COMMD2: variants seen among roughly 807,000 people sequenced by gnomAD.
The protein encoded by COMMD2 is COMM domain-containing protein 2.
Under a neutral mutation model 22.5 loss-of-function variants are expected in COMMD2, and 25 were observed. The observed-to-expected ratio is 1.11, with a 90% CI of 0.81 to 1.55. COMMD2 has a LOEUF of 1.55. COMMD2 is among the 40% of genes most tolerant of loss of function. COMMD2 has a pLI of 0.00. For missense variants in COMMD2, 223 were observed against 232.9 expected (o/e 0.96, Z 0.28); for synonymous variants, 98 against 91.2 (o/e 1.07, Z -0.42).
intron 3 of COMMD2, 113 bp from the exon 4 acceptor site, chr3:149,750,964 C>A: frequency 1.4e-6 from 1 of 692,832 alleles, no homozygotes; most frequent in Non-Finnish European, 2.2e-6. Context: ...GTAAAAGAAA[C>A]AGCATTCCTT....
At chr3:149,751,266 A>T (rs1716521305) in intron 3 of COMMD2, 137 bp downstream of exon 3, 15 of 1,348,374 alleles carry the variant, frequency 1.1e-5, no homozygotes, top group Non-Finnish European at 1.5e-5. Context: ...TTTTTTAGGT[A>T]TGTCTTCAAA....
In COMMD2 at chr3:149,739,056, G is replaced by A. The variant is rs1716138539; in HGVS notation, c.*2465C>T. On this transcript the variant is annotated 3_prime_UTR_variant, in exon 5 of 5. Transcript: ENST00000473414. ...TGAGATGTTACTATTTTGGCTTTGA[G>A]ACATGAAGGATATGACATTTAAGTC... The A allele has an allele frequency of 6.6e-6, 1 of 152,158 alleles. No individual in the cohort carries two copies. The highest frequency in any genetic ancestry group is 1.5e-5 in the Non-Finnish European group (1 of 68,022). The allele number at this position is 152,158 out of a possible 1,614,324, so 9.4% of individuals were successfully genotyped here. A position where few individuals can be genotyped will look rare whatever the true frequency, so the allele number is the denominator to read the frequency against.
At position 149,750,706 on chromosome 3, in the gene COMMD2, TGATAACTGG is replaced by T; in HGVS notation, c.365_373del (p.Pro122_Tyr124del). 2 of 1,590,480 alleles carry T rather than the reference TGATAACTGG, an allele frequency of 1.3e-6. No homozygotes were observed. Among genetic ancestry groups the T allele is most frequent in the Non-Finnish European group, 1.7e-6 (2 of 1,167,776 alleles). On this transcript the variant is annotated inframe_deletion, in exon 4 of 5. Transcript: ENST00000473414. ...TACATCTAGTCGCCATTCAAGGTTATGATAACTGGGAAGGCTTGGTGCCAATTCACTCAG... is the reference window on the plus strand; with the variant it reads ...TACATCTAGTCGCCATTCAAGGTTATGAAGGCTTGGTGCCAATTCACTCAG...
intron 4 of COMMD2, among the ~76,000 whole-genome samples, chr3:149,742,448 AG>A (rs2108248451): frequency 6.6e-6 from 1 of 152,342 alleles, no homozygotes; most frequent in East Asian, 1.9e-4. Flanking sequence ...TATGTTTCCA[AG>A]AACCAAAAAT....
intron 2 of COMMD2, chr3:149,752,001 A>G: frequency 1.9e-6 from 1 of 519,656 alleles, no homozygotes; most frequent in Non-Finnish European, 3.4e-6. Flanking sequence ...TACCATGAGA[A>G]AACTGATTTA....
intron 4 of COMMD2, among the ~76,000 whole-genome samples, chr3:149,747,064 GA>G (rs1716392858): frequency 6.6e-6 from 1 of 152,216 alleles, no homozygotes; most frequent in Non-Finnish European, 1.5e-5. Context: ...TTCAAGATGA[GA>G]TTTGGGTGGG....
chr3:149,739,860 A>C lies in COMMD2; in HGVS notation c.*1661T>G, dbSNP rs554138961. 22 of 152,336 alleles carry C rather than the reference A, an allele frequency of 1.4e-4. No individual in the cohort carries two copies. Among genetic ancestry groups the C allele is most frequent in the African/African-American group, 5.1e-4 (21 of 41,576 alleles). The allele number at this position is 152,336 out of a possible 1,614,324, so 9.4% of individuals were successfully genotyped here. A position where few individuals can be genotyped will look rare whatever the true frequency, so the allele number is the denominator to read the frequency against. ...AATATAGTTGTTTCACAACGGCAGA[A>C]TATATACCTACAGGAAAAGGGTGGC... On this transcript the variant is annotated 3_prime_UTR_variant, in exon 5 of 5. Transcript: ENST00000473414.
rs566081466 is a variant in COMMD2, at chr3:149,742,977, A to G, written c.403-1259T>C. Among the ~76,000 whole-genome samples, 508 of 139,364 alleles carry G rather than the reference A, an allele frequency of 3.6e-3. 5 individuals are homozygous for G. The highest frequency in any genetic ancestry group is 0.016 in the African/African-American group (494 of 31,742). 91.4% of individuals were successfully genotyped at this position (139,364 alleles called of 152,430 possible). ...TGAGACTCTATCTCAAAAAAAAAAAAAAAAGAAAAAGAAAAAGAAAAAGAA... is the reference window on the plus strand; with the variant it reads ...TGAGACTCTATCTCAAAAAAAAAAAGAAAAGAAAAAGAAAAAGAAAAAGAA... On this transcript the variant is annotated intron_variant, in intron 4 of 4. Coordinates refer to ENST00000473414, the MANE Select transcript of COMMD2 (RefSeq NM_016094.4).
rs1202107997 is a variant in COMMD2 at position 149,740,386 on chromosome 3, A to G, written c.*1135T>C. On this transcript the variant is annotated 3_prime_UTR_variant, in exon 5 of 5. Transcript: ENST00000473414. ...TTTATTCAAATTATAAAAAGTGACT[A>G]TAATTTGTATCCAGGACAATCAAGA... 1 of 152,272 alleles carries G rather than the reference A, an allele frequency of 6.6e-6. No homozygotes were observed. The highest frequency in any genetic ancestry group is 1.5e-5 in the Non-Finnish European group (1 of 68,044). 9.4% of individuals were successfully genotyped at this position (152,272 alleles called of 1,614,324 possible). A position where few individuals can be genotyped will look rare whatever the true frequency, so the allele number is the denominator to read the frequency against.
At chr3:149,747,947 C>CAA (rs35936225) in intron 4 of COMMD2, among the ~76,000 whole-genome samples, 178 of 55,760 alleles carry the variant, frequency 3.2e-3, no homozygotes, top group Middle Eastern at 0.015. Flanking sequence ...GACTCCATCT[C>CAA]AAAAAAAAAA....
rs1381825248 is a variant in COMMD2 at position 149,739,967 on chromosome 3, TCTCTA to T, written c.*1549_*1553del. Reference sequence around the variant, plus strand: ...GCCTATTCCCTGCTAGGCTCTCTCTTCTCTAAAGAGATTGCAACATGGTATCACTC... The same window carrying T: ...GCCTATTCCCTGCTAGGCTCTCTCTTAAGAGATTGCAACATGGTATCACTC... On this transcript the variant is annotated 3_prime_UTR_variant, in exon 5 of 5. Coordinates refer to ENST00000473414, the MANE Select transcript of COMMD2 (RefSeq NM_016094.4). 1.3e-5 allele frequency: 2 copies of T among 152,206 alleles called. No individual in the cohort carries two copies. Among genetic ancestry groups the T allele is most frequent in the African/African-American group, 4.8e-5 (2 of 41,438 alleles). The allele number at this position is 152,206 out of a possible 1,614,324, so 9.4% of individuals were successfully genotyped here.
chr3:149,746,177 A>G (rs1464588749), intron 4 of COMMD2, among the ~76,000 whole-genome samples: 3 of 152,156 alleles, frequency 2.0e-5, no homozygotes, highest in Non-Finnish European at 4.4e-5. Flanking sequence ...CTGACTTCTA[A>G]TTTTTCAAAA....
chr3:149,740,050 C>T lies in COMMD2; in HGVS notation c.*1471G>A, dbSNP rs1028907202. The T allele has an allele frequency of 2.0e-5, 3 of 152,140 alleles. No individual in the cohort carries two copies. The highest frequency in any genetic ancestry group is 6.5e-5 in the Admixed American group (1 of 15,280). The allele number at this position is 152,140 out of a possible 1,614,324, so 9.4% of individuals were successfully genotyped here. A position where few individuals can be genotyped will look rare whatever the true frequency, so the allele number is the denominator to read the frequency against. Reference sequence around the variant, plus strand: ...AGCAAAGTATTGACAAAGTCTAGAGCGCAGTTTAGAGTTTGATTGCTTCTA... The same window carrying T: ...AGCAAAGTATTGACAAAGTCTAGAGTGCAGTTTAGAGTTTGATTGCTTCTA... On this transcript the variant is annotated 3_prime_UTR_variant, in exon 5 of 5. Coordinates refer to ENST00000473414, the MANE Select transcript of COMMD2 (RefSeq NM_016094.4).
In COMMD2 at chr3:149,740,063, T is replaced by C. The variant is rs554368698; in HGVS notation, c.*1458A>G. The stretch of plus-strand genomic sequence containing the variant: ...CAAAGTCTAGAGCGCAGTTTAGAGT[T>C]TGATTGCTTCTACAGCCCTTTCTAG... On this transcript the variant is annotated 3_prime_UTR_variant, in exon 5 of 5. Transcript: ENST00000473414. 219 of 152,352 alleles carry C rather than the reference T, an allele frequency of 1.4e-3. No individual in the cohort carries two copies. Among genetic ancestry groups the C allele is most frequent in the African/African-American group, 5.2e-3 (217 of 41,584 alleles). 9.4% of individuals were successfully genotyped at this position (152,352 alleles called of 1,614,324 possible).
intron 4 of COMMD2, among the ~76,000 whole-genome samples, chr3:149,742,460 T>C (rs1018785301): frequency 2.0e-5 from 3 of 151,944 alleles, no homozygotes; most frequent in Non-Finnish European, 4.4e-5. Flanking sequence ...AACCAAAAAT[T>C]AGAAATACAT....
intron 4 of COMMD2, among the ~76,000 whole-genome samples, chr3:149,746,789 A>T (rs896120218): frequency 4.6e-5 from 7 of 152,160 alleles, no homozygotes; most frequent in Non-Finnish European, 1.0e-4. Flanking sequence ...CTCAAAAAAT[A>T]AAAAAATGAA....
intron 2 of COMMD2, 25 bp downstream of exon 2, chr3:149,752,185 G>A: frequency 6.2e-7 from 1 of 1,605,664 alleles, no homozygotes; most frequent in Non-Finnish European, 8.5e-7. Flanking sequence ...AGAAGCCTGC[G>A]GAGCCTTCCC....
chr3:149,745,864 TTTA>T (rs1716353057), intron 4 of COMMD2, among the ~76,000 whole-genome samples: 1 of 152,234 alleles, frequency 6.6e-6, no homozygotes, highest in Non-Finnish European at 1.5e-5. Flanking sequence ...TGATGATCCC[TTTA>T]TTCTTAAATG....
chr3:149,743,347 C>G (rs1469415810), intron 4 of COMMD2, among the ~76,000 whole-genome samples: 2 of 152,096 alleles, frequency 1.3e-5, no homozygotes, highest in Admixed American at 1.3e-4. Context: ...AGGAGAGAAA[C>G]TGTACAAGAT....
Sources: allele counts gnomAD v4.1 joint callset (sites outside exome capture counted in the v4.1 genomes callset), GRCh38; gene constraint gnomAD v4.1.1; transcripts MANE v1.5; gene names NCBI Gene and HGNC (gene_info 2026-07-23, HGNC 2026-07-21).